GRIK4: variants seen among roughly 807,000 people sequenced by gnomAD.
The protein encoded by GRIK4 is glutamate receptor ionotropic, kainate 4.
GRIK4 carries 40 observed loss-of-function variants against 104.9 expected under a neutral mutation model. The observed-to-expected ratio is 0.38, with a 90% confidence interval of 0.30 to 0.50. The LOEUF (loss-of-function observed/expected upper bound fraction) is 0.50, where lower values mean the gene tolerates loss of function less well. Among genes scored for constraint, GRIK4 ranks in the 20% least tolerant of loss-of-function variants. The probability of loss-of-function intolerance (pLI) is 0.93; values close to 1 mark genes in which losing one functional copy is unlikely to be tolerated. For missense variants in GRIK4, 1,047 were observed against 1,308.1 expected, an observed-to-expected ratio of 0.80 and a Z score of 3.08; for synonymous variants, 485 against 524.9, an observed-to-expected ratio of 0.92 and a Z score of 1.04.
chr11:120,934,823 G>A (rs887629022), intron 13 of GRIK4, among the ~76,000 whole-genome samples: 3 of 152,196 alleles, frequency 2.0e-5, no homozygotes, highest in Admixed American at 6.5e-5. Context: ...GGGATGCGTG[G>A]AGCACTCTCT....
At chr11:120,701,060 A>G (rs1007811058) in intron 3 of GRIK4, among the ~76,000 whole-genome samples, 1 of 152,228 alleles carries the variant, frequency 6.6e-6, no homozygotes, top group Middle Eastern at 3.2e-3. Flanking sequence ...GTAGGAGGCT[A>G]TACCATCTAG....
chr11:120,914,959 G>T (rs1288976576), intron 13 of GRIK4, among the ~76,000 whole-genome samples: 1 of 152,152 alleles, frequency 6.6e-6, no homozygotes, highest in African/African-American at 2.4e-5. Flanking sequence ...GAGGATTATG[G>T]CTGTGTGGGG....
chr11:120,679,277 A>T (rs779268326), intron 3 of GRIK4, among the ~76,000 whole-genome samples: 11 of 152,146 alleles, frequency 7.2e-5, no homozygotes, highest in Admixed American at 1.3e-4. Flanking sequence ...CATGTCCCTT[A>T]TACTGCCCTG....
rs765307338 is a variant in GRIK4 at position 120,831,903 on chromosome 11, C to A, written c.563C>A (p.Thr188Lys). 6 of 1,613,814 alleles carry A rather than the reference C, an allele frequency of 3.7e-6. No individual in the cohort carries two copies. In the South Asian group the frequency reaches 4.4e-5, roughly 12 times the overall value. The part of the protein sequence containing the change: ...LLRQFLISKD[T>K]LSVRMLDDTR... Reference sequence around the variant, plus strand: ...CGGCAATTCCTTATCTCCAAGGACACGCTGTCCGTCCGCATGCTGGATGAC... The same window carrying A: ...CGGCAATTCCTTATCTCCAAGGACAAGCTGTCCGTCCGCATGCTGGATGAC... Residue 188 changes from threonine (T) to lysine (K), a missense_variant, in exon 7 of 21, where the codon ACG becomes AAG. Transcript: ENST00000527524.
At chr11:120,915,204 C>T (rs1290423040) in intron 13 of GRIK4, among the ~76,000 whole-genome samples, 4 of 152,036 alleles carry the variant, frequency 2.6e-5, no homozygotes. Flanking sequence ...GCTCATTATT[C>T]ACAGACAGGT....
intron 3 of GRIK4, among the ~76,000 whole-genome samples, chr11:120,676,143 C>A (rs182046958): frequency 1.9e-3 from 288 of 152,246 alleles, no homozygotes; most frequent in African/African-American, 6.4e-3. Flanking sequence ...CCGCTGCATC[C>A]CCTGGCTCCA....
chr11:120,571,309 C>T (rs942529263), intron 1 of GRIK4, among the ~76,000 whole-genome samples: 4 of 152,174 alleles, frequency 2.6e-5, no homozygotes, highest in Admixed American at 6.5e-5. Flanking sequence ...GACATGGTGA[C>T]GACTGTCCTC....
chr11:120,516,396 C>A (rs528082567), intron 1 of GRIK4, among the ~76,000 whole-genome samples: 1 of 152,234 alleles, frequency 6.6e-6, no homozygotes, highest in Non-Finnish European at 1.5e-5. Context: ...AGAGGATGAT[C>A]TGAGGACTGG....
intron 1 of GRIK4, among the ~76,000 whole-genome samples, chr11:120,601,051 CACAA>C (rs1252699525): frequency 6.6e-6 from 1 of 151,374 alleles, no homozygotes; most frequent in Non-Finnish European, 1.5e-5. Context: ...GAGACCTTGT[CACAA>C]ACAAACAAGC....
intron 13 of GRIK4, among the ~76,000 whole-genome samples, chr11:120,909,575 T>A (rs1461974118): frequency 6.6e-6 from 1 of 152,078 alleles, no homozygotes; most frequent in Non-Finnish European, 1.5e-5. Context: ...AAGGATGAGG[T>A]GCCAGGGTAT....
intron 3 of GRIK4, among the ~76,000 whole-genome samples, chr11:120,792,240 G>A (rs1365322901): frequency 6.6e-6 from 1 of 151,838 alleles, no homozygotes; most frequent in Non-Finnish European, 1.5e-5. Context: ...AGCACCGTGT[G>A]TGTGTGTGTG....
At chr11:120,706,459 T>A (rs1950630555) in intron 3 of GRIK4, among the ~76,000 whole-genome samples, 1 of 152,144 alleles carries the variant, frequency 6.6e-6, no homozygotes, top group Non-Finnish European at 1.5e-5. Flanking sequence ...AGCATGTGTC[T>A]GCCCTGTGTC....
chr11:120,722,890 C>T (rs1380994232), intron 3 of GRIK4, among the ~76,000 whole-genome samples: 1 of 152,136 alleles, frequency 6.6e-6, no homozygotes, highest in African/African-American at 2.4e-5. Flanking sequence ...GGAGTGAACC[C>T]AAATGAGATT....
chr11:120,852,563 G>A (rs1267649617), intron 8 of GRIK4, among the ~76,000 whole-genome samples: 1 of 152,176 alleles, frequency 6.6e-6, no homozygotes, highest in Non-Finnish European at 1.5e-5. Context: ...GAAACATGCA[G>A]GGAGAAGAAT....
At chr11:120,567,262 C>T (rs1162377417) in intron 1 of GRIK4, among the ~76,000 whole-genome samples, 2 of 152,116 alleles carry the variant, frequency 1.3e-5, no homozygotes, top group Non-Finnish European at 2.9e-5. Context: ...CAGGCTCAAG[C>T]GATCCTCCCA....
chr11:120,973,525 G>C (rs1944510057), intron 19 of GRIK4, among the ~76,000 whole-genome samples: 1 of 152,220 alleles, frequency 6.6e-6, no homozygotes, highest in Non-Finnish European at 1.5e-5. Context: ...TCATCCTTTG[G>C]AACAAGAGGT....
At chr11:120,775,670 C>T (rs1952029173) in intron 3 of GRIK4, among the ~76,000 whole-genome samples, 1 of 152,212 alleles carries the variant, frequency 6.6e-6, no homozygotes, top group South Asian at 2.1e-4. Flanking sequence ...TTGACTAATA[C>T]CCGTCATATT....
At chr11:120,864,333 C>T (rs111995903) in intron 9 of GRIK4, among the ~76,000 whole-genome samples, 24,995 of 151,470 alleles carry the variant, frequency 0.17, 2,210 homozygotes, top group Middle Eastern at 0.23. Context: ...CTCCACCTCC[C>T]GGGTTCACGC....
At chr11:120,975,090 C>G (rs1035600197) in intron 19 of GRIK4, among the ~76,000 whole-genome samples, 1 of 152,140 alleles carries the variant, frequency 6.6e-6, no homozygotes, top group Non-Finnish European at 1.5e-5. Context: ...TTCAAAGGAA[C>G]ATAAATACAT....
Sources: gnomAD v4.1 joint callset for allele counts (sites outside exome capture counted in the v4.1 genomes callset) on GRCh38, gnomAD v4.1.1 for gene constraint, MANE v1.5 for transcripts, NCBI Gene and HGNC (gene_info 2026-07-23, HGNC 2026-07-21) for gene names.